Variants in OPHN1 observed in about 807,000 individuals in gnomAD.
OPHN1 encodes oligophrenin 1.
A neutral mutation model predicts 60.7 loss-of-function variants in OPHN1; 11 were observed. That is an observed-to-expected ratio of 0.18 (90% CI 0.11 to 0.30). OPHN1 has a LOEUF of 0.30. Ranked by LOEUF, OPHN1 falls within the 10% of genes least tolerant of loss-of-function variation. The pLI is 1.00. For missense variants in OPHN1, 449 were observed against 611.0 expected (o/e 0.73, Z 2.80); for synonymous variants, 226 against 222.6 (o/e 1.02, Z -0.14).
chrX:68,234,462 G>A, intron 6 of OPHN1, 25 bp downstream of exon 6: 3 of 1,088,995 alleles, frequency 2.8e-6, no homozygotes, highest in Non-Finnish European at 2.6e-6. Context: ...GCAATGGAAG[G>A]CAGGGGCAGG....
At chrX:68,067,142 GAGTAAGACAGTACTAATACTGACTGCA>G (rs1168025443) in intron 20 of OPHN1, among the ~76,000 whole-genome samples, 1 of 111,932 alleles carries the variant, frequency 8.9e-6, no homozygotes, top group Non-Finnish European at 1.9e-5. Context: ...TAAGTGCTAG[GAGTAAGACAGTACTAATACTGACTGCA>G]AGGATTAGAG....
chrX:68,205,470 CAAT>C (rs1332900662), intron 10 of OPHN1, among the ~76,000 whole-genome samples: 1 of 104,964 alleles, frequency 9.5e-6, no homozygotes, highest in Non-Finnish European at 1.9e-5. Flanking sequence ...ATAATAATAA[CAAT>C]AATAATAAAG....
At chrX:68,070,993 T>G in intron 20 of OPHN1, 1 of 1,151,234 alleles carries the variant, frequency 8.7e-7, no homozygotes, top group Non-Finnish European at 1.2e-6. Flanking sequence ...CTTGGCTCCC[T>G]CTTCATCAAA....
At chrX:68,292,679 C>T (rs1487012373) in intron 3 of OPHN1, among the ~76,000 whole-genome samples, 1 of 111,408 alleles carries the variant, frequency 9.0e-6, no homozygotes, top group Non-Finnish European at 1.9e-5. Context: ...CATGAGGCAC[C>T]GTACCCAGCC....
chrX:68,099,303 G>C (rs949805649), intron 18 of OPHN1, among the ~76,000 whole-genome samples: 1 of 111,821 alleles, frequency 8.9e-6, no homozygotes, highest in Non-Finnish European at 1.9e-5. Context: ...TGACAGCAAA[G>C]GAATCTTGAA....
At chrX:68,274,599 TGCACAGTTTA>T in intron 5 of OPHN1, 129 bp downstream of exon 5, 3 of 423,445 alleles carry the variant, frequency 7.1e-6, no homozygotes, top group Non-Finnish European at 8.5e-6. Context: ...ACATTTATTT[TGCACAGTTTA>T]GGAGGCTGAC....
At chrX:68,157,795 CAG>C (rs1480518756) in intron 15 of OPHN1, among the ~76,000 whole-genome samples, 1 of 112,195 alleles carries the variant, frequency 8.9e-6, no homozygotes, top group Non-Finnish European at 1.9e-5. Context: ...AAACACAAAA[CAG>C]ACAAAATTCA....
intron 2 of OPHN1, among the ~76,000 whole-genome samples, chrX:68,395,058 C>G (rs1480600424): frequency 1.8e-5 from 2 of 110,637 alleles, no homozygotes; most frequent in African/African-American, 6.6e-5. Context: ...CAGACTCAAG[C>G]GATTCTCATG....
chrX:68,129,723 A>C (rs947016179), intron 15 of OPHN1, among the ~76,000 whole-genome samples: 10 of 112,030 alleles, frequency 8.9e-5, no homozygotes, highest in African/African-American at 2.6e-4. Flanking sequence ...CAATTAATTC[A>C]GGAAATGGTA....
At position 68,187,834 on chromosome X, in the gene OPHN1, A is replaced by G. The variant is rs528283843; in HGVS notation, c.1276+5085T>C. 4.2e-4 allele frequency among the ~76,000 whole-genome samples: 47 copies of G among 111,656 alleles called. No individual in the cohort carries two copies. The South Asian group carries it at 0.015, about 36-fold the overall frequency. ...AGTAGAGATGGGGTTTCACCATGTT[A>G]GCCAGGATGGTCTCGATCTCCTGAC... On this transcript the variant is annotated intron_variant, in intron 15 of 24. Transcript: ENST00000355520.
At chrX:68,352,403 T>G (rs1398401262) in intron 2 of OPHN1, among the ~76,000 whole-genome samples, 1 of 108,831 alleles carries the variant, frequency 9.2e-6, no homozygotes, top group Non-Finnish European at 1.9e-5. Context: ...CACATCACTA[T>G]TTGATGGAAA....
At chrX:68,315,202 A>T (rs2078193764) in intron 2 of OPHN1, among the ~76,000 whole-genome samples, 1 of 107,703 alleles carries the variant, frequency 9.3e-6, no homozygotes, top group Non-Finnish European at 1.9e-5. Flanking sequence ...GATCTAGGTG[A>T]CAGAGTGAGA....
chrX:68,301,445 CAAAAAAAAAAA>C (rs56927719), intron 2 of OPHN1, among the ~76,000 whole-genome samples: 5 of 35,370 alleles, frequency 1.4e-4, no homozygotes, highest in African/African-American at 1.8e-4. Context: ...GACTCCATCT[CAAAAAAAAAAA>C]AAAAAAAAAA....
chrX:68,328,703 A>AAGTCACTGCCC (rs2078280276), intron 2 of OPHN1, among the ~76,000 whole-genome samples: 1 of 111,708 alleles, frequency 9.0e-6, no homozygotes, highest in Non-Finnish European at 1.9e-5. Flanking sequence ...AAAATATAGA[A>AAGTCACTGCCC]AGGACTCTTA....
chrX:68,148,014 G>GGAA (rs1308233173), intron 15 of OPHN1, among the ~76,000 whole-genome samples: 2 of 111,459 alleles, frequency 1.8e-5, no homozygotes, highest in African/African-American at 6.5e-5. Flanking sequence ...TTATGAGAAA[G>GGAA]GAAGAAGAAA....
chrX:68,284,758 T>A lies in OPHN1; in HGVS notation c.251-1641A>T, dbSNP rs775873506. Among the ~76,000 whole-genome samples, 9 of 111,674 alleles carry A rather than the reference T, an allele frequency of 8.1e-5. No individual in the cohort carries two copies. In the South Asian group the frequency reaches 3.4e-3, roughly 43 times the overall value. On this transcript the variant is annotated intron_variant, in intron 3 of 24. Coordinates refer to ENST00000355520, the MANE Select transcript of OPHN1 (RefSeq NM_002547.3). Reference sequence around the variant, plus strand: ...TAATCTATTTTCTATTTCCATGAACTTGCCTACTCTAGACATTTCTCATAA... The same window carrying A: ...TAATCTATTTTCTATTTCCATGAACATGCCTACTCTAGACATTTCTCATAA...
chrX:68,145,644 C>A (rs2077260738), intron 15 of OPHN1, among the ~76,000 whole-genome samples: 2 of 111,462 alleles, frequency 1.8e-5, no homozygotes, highest in African/African-American at 6.5e-5. Context: ...CTCTCTGGAC[C>A]CACATCCTTC....
intron 2 of OPHN1, among the ~76,000 whole-genome samples, chrX:68,430,132 CT>C (rs763066793): frequency 8.9e-6 from 1 of 112,137 alleles, no homozygotes; most frequent in Admixed American, 9.5e-5. Flanking sequence ...TCCAGTGTTC[CT>C]TTTTCCTTTT....
intron 15 of OPHN1, among the ~76,000 whole-genome samples, chrX:68,121,069 C>T (rs1241868567): frequency 8.9e-6 from 1 of 112,262 alleles, no homozygotes; most frequent in Non-Finnish European, 1.9e-5. Context: ...AGCTCCATGA[C>T]ATTTGTCTGG....
Sources: gnomAD v4.1 joint callset for allele counts (sites outside exome capture counted in the v4.1 genomes callset) on GRCh38, gnomAD v4.1.1 for gene constraint, MANE v1.5 for transcripts, NCBI Gene and HGNC (gene_info 2026-07-23, HGNC 2026-07-21) for gene names.